The following LPP variants were observed in gnomAD, a reference collection of about 807,000 sequenced individuals.
LPP encodes lipoma-preferred partner.
LPP carries 38 observed loss-of-function variants against 60.4 expected under a neutral mutation model. The ratio of observed to expected loss-of-function variants is 0.63; its 90% CI spans 0.49 to 0.83. The LOEUF (loss-of-function observed/expected upper bound fraction) is 0.83, where lower values mean the gene tolerates loss of function less well. LPP is among the 40% of genes least tolerant of loss of function. LPP has a pLI of 0.00. For synonymous variants in LPP, 328 were observed against 290.8 expected, an observed-to-expected ratio of 1.13 and a Z score of -1.30; for missense variants, 902 against 783.6, an observed-to-expected ratio of 1.15 and a Z score of -1.80.
At chr3:188,491,635 T>C (rs1243890834) in intron 5 of LPP, among the ~76,000 whole-genome samples, 1 of 152,210 alleles carries the variant, frequency 6.6e-6, no homozygotes, top group Non-Finnish European at 1.5e-5. Flanking sequence ...GGTCCACATA[T>C]GTAGGTCATT....
intron 7 of LPP, among the ~76,000 whole-genome samples, chr3:188,613,297 T>G (rs146834038): frequency 7.1e-6 from 1 of 140,672 alleles, no homozygotes; most frequent in Non-Finnish European, 1.6e-5. Context: ...TATATCTATA[T>G]CTATATCTAT....
intron 2 of LPP, among the ~76,000 whole-genome samples, chr3:188,272,911 C>A (rs1394541937): frequency 6.6e-6 from 1 of 152,184 alleles, no homozygotes; most frequent in Non-Finnish European, 1.5e-5. Flanking sequence ...CACCTATTAA[C>A]TTGTTAGACC....
intron 5 of LPP, 119 bp from the exon 6 acceptor site, chr3:188,524,546 A>T: frequency 1.7e-6 from 1 of 594,328 alleles, no homozygotes; most frequent in Admixed American, 3.5e-5. Flanking sequence ...AAGCTTAATT[A>T]AAAAAAAAAG....
At chr3:188,207,121 C>A (rs1733455935) in intron 1 of LPP, among the ~76,000 whole-genome samples, 1 of 151,656 alleles carries the variant, frequency 6.6e-6, no homozygotes, top group Non-Finnish European at 1.5e-5. Context: ...CCTCAGGCTA[C>A]AACAAACTGG....
At chr3:188,187,660 G>A (rs1726999653) in intron 1 of LPP, among the ~76,000 whole-genome samples, 1 of 151,810 alleles carries the variant, frequency 6.6e-6, no homozygotes, top group Admixed American at 6.6e-5. Context: ...CCATATCTGG[G>A]CTATAATTTC....
intron 1 of LPP, among the ~76,000 whole-genome samples, chr3:188,210,269 C>A (rs1734343595): frequency 6.6e-6 from 1 of 152,104 alleles, no homozygotes; most frequent in Non-Finnish European, 1.5e-5. Flanking sequence ...GTCCTGGAAC[C>A]AATTCCCCAT....
At chr3:188,382,517 C>T (rs1336031419) in intron 3 of LPP, among the ~76,000 whole-genome samples, 2 of 152,064 alleles carry the variant, frequency 1.3e-5, no homozygotes, top group Non-Finnish European at 2.9e-5. Flanking sequence ...TAAAAAGAGC[C>T]TTTTAAAACA....
At chr3:188,196,569 C>CT (rs1336132942) in intron 1 of LPP, among the ~76,000 whole-genome samples, 7 of 152,188 alleles carry the variant, frequency 4.6e-5, no homozygotes, top group Admixed American at 2.0e-4. Context: ...AGCTGGCCTT[C>CT]TTTTTCTATT....
intron 9 of LPP, among the ~76,000 whole-genome samples, chr3:188,850,670 C>T (rs1308688703): frequency 2.0e-5 from 3 of 151,758 alleles, no homozygotes; most frequent in African/African-American, 2.4e-5. Context: ...ATAGTCTGAC[C>T]GCAAGATCAA....
At chr3:188,271,431 A>C (rs1176233661) in intron 2 of LPP, among the ~76,000 whole-genome samples, 2 of 152,236 alleles carry the variant, frequency 1.3e-5, no homozygotes, top group African/African-American at 4.8e-5. Context: ...CAGATTCCAC[A>C]GCTTCCTCAC....
At position 188,182,680 on chromosome 3, in the gene LPP, G is replaced by C. The variant is rs1466512101; in HGVS notation, c.-190+28428G>C. ...CTGAAGGGAACATAGGGATCTTTAA[G>C]TCCAGTGATTTTTAACCAGCTAAAG... is the stretch of plus-strand genomic sequence containing the variant. On this transcript the variant is annotated intron_variant, in intron 1 of 11. Transcript: ENST00000617246. The surrounding 1 kb of genome is among the most constrained non-coding windows in gnomAD (Gnocchi z 4.4). 6.6e-6 allele frequency among the ~76,000 whole-genome samples: 1 copy of C among 151,244 alleles called. No individual in the cohort carries two copies. Among genetic ancestry groups the C allele is most frequent in the Non-Finnish European group, 1.5e-5 (1 of 67,904 alleles).
chr3:188,223,755 T>C (rs1716674803), intron 1 of LPP, among the ~76,000 whole-genome samples: 1 of 152,154 alleles, frequency 6.6e-6, no homozygotes, highest in African/African-American at 2.4e-5. Context: ...GAAGCTTTGG[T>C]TTTATGCAGC....
intron 4 of LPP, among the ~76,000 whole-genome samples, chr3:188,432,955 A>G (rs1578853753): frequency 6.6e-6 from 1 of 152,172 alleles, no homozygotes; most frequent in East Asian, 1.9e-4. Context: ...TATTCTGCCA[A>G]GAGCTGTGCA....
intron 6 of LPP, chr3:188,568,921 G>A (rs1832856516): frequency 6.6e-6 from 1 of 152,032 alleles, no homozygotes; most frequent in Non-Finnish European, 1.5e-5. Context: ...CGCTTCAGTA[G>A]GGGTGTATAT....
At chr3:188,371,631 ATATATATATATTTTTTTTTTTTTTTTTT>A (rs1560311003) in intron 3 of LPP, among the ~76,000 whole-genome samples, 1 of 27,736 alleles carries the variant, frequency 3.6e-5, no homozygotes, top group East Asian at 1.7e-3. Flanking sequence ...ATATATATAT[ATATATATATATTTTTTTTTTTTTTTTTT>A]TTTTTTTTTT....
At chr3:188,645,294 GGA>G (rs142597452) in intron 7 of LPP, among the ~76,000 whole-genome samples, 4 of 145,898 alleles carry the variant, frequency 2.7e-5, no homozygotes, top group Admixed American at 1.3e-4. Flanking sequence ...AGGAAGGGTT[GGA>G]GAGAGAGAGA....
At chr3:188,348,392 C>T (rs1392307073) in intron 3 of LPP, among the ~76,000 whole-genome samples, 2 of 152,144 alleles carry the variant, frequency 1.3e-5, no homozygotes, top group South Asian at 2.1e-4. Flanking sequence ...AGGTGATCCA[C>T]CTGCCTCAGC....
At chr3:188,518,566 C>T (rs1293405653) in intron 5 of LPP, among the ~76,000 whole-genome samples, 1 of 152,042 alleles carries the variant, frequency 6.6e-6, no homozygotes, top group African/African-American at 2.4e-5. Flanking sequence ...CTGTGAAGCA[C>T]AGTTGAAAAA....
At chr3:188,791,633 A>G (rs1743794808) in intron 9 of LPP, among the ~76,000 whole-genome samples, 1 of 151,496 alleles carries the variant, frequency 6.6e-6, no homozygotes, top group Non-Finnish European at 1.5e-5. Context: ...GTCTATCCGT[A>G]GTCTTTTGTG....
Sources: gnomAD v4.1 joint callset for allele counts (sites outside exome capture counted in the v4.1 genomes callset) on GRCh38, gnomAD v4.1.1 for gene constraint, Gnocchi (gnomAD v3.1) non-coding constraint, MANE v1.5 for transcripts, NCBI Gene and HGNC (gene_info 2026-07-23, HGNC 2026-07-21) for gene names.